The following ZNF492 variants were observed in gnomAD, a reference collection of about 807,000 sequenced individuals.
The protein encoded by ZNF492 is zinc finger protein 115 (Y20).
ZNF492 carries 3 observed loss-of-function variants against 6.4 expected under a neutral mutation model. The ratio of observed to expected loss-of-function variants is 0.47; its 90% CI spans 0.21 to 1.22. The LOEUF is 1.22. ZNF492 is among the 50% of genes most tolerant of loss of function. The pLI, the probability that ZNF492 is intolerant of heterozygous loss-of-function variation, is 0.22. For synonymous variants in ZNF492, 112 were observed against 205.3 expected, an observed-to-expected ratio of 0.55 and a Z score of 3.89; for missense variants, 356 against 612.5, an observed-to-expected ratio of 0.58 and a Z score of 4.42.
chr19:22,665,639 G>A lies in ZNF492; in HGVS notation c.*374G>A, dbSNP rs1972117399. On this transcript the variant is annotated 3_prime_UTR_variant, in exon 4 of 4. Coordinates refer to ENST00000456783, the MANE Select transcript of ZNF492 (RefSeq NM_020855.3). ...TAACTTTACTTGTAACACAGATCTT[G>A]TTGTATTCATTCTGTATTAGAGCAA... The A allele has an allele frequency of 4.8e-6, 1 of 207,422 alleles. No homozygotes were observed. Among genetic ancestry groups the A allele is most frequent in the South Asian group, 7.9e-5 (1 of 12,714 alleles). 12.8% of individuals were successfully genotyped at this position (207,422 alleles called of 1,614,324 possible). A position where few individuals can be genotyped will look rare whatever the true frequency, so the allele number is the denominator to read the frequency against.
In ZNF492 at chr19:22,657,981, A is replaced by G. The variant is rs181280040; in HGVS notation, c.130+3966A>G. ...TTTCACCTTGTGTTTAATAATAAACATATTTCCTATGTGTGAGGGAAACAC... is the reference window on the plus strand; with the variant it reads ...TTTCACCTTGTGTTTAATAATAAACGTATTTCCTATGTGTGAGGGAAACAC... On this transcript the variant is annotated intron_variant, in intron 3 of 3. Transcript: ENST00000456783. 3.7e-3 allele frequency among the ~76,000 whole-genome samples: 569 copies of G among 152,276 alleles called. 4 individuals carry two copies. The highest frequency in any genetic ancestry group is 0.013 in the African/African-American group (553 of 41,508).
At chr19:22,645,979 G>A (rs1432354082) in intron 1 of ZNF492, among the ~76,000 whole-genome samples, 1 of 152,074 alleles carries the variant, frequency 6.6e-6, no homozygotes, top group Non-Finnish European at 1.5e-5. Flanking sequence ...TGTTCTTTTT[G>A]CTTAGGATTG....
chr19:22,642,384 C>CTTTT lies in ZNF492; in HGVS notation c.-94+7930_-94+7933dup, dbSNP rs869202400. ...ATTAACAGCTAAATAAACCTTTTGT[C>CTTTT]TTTTTTTTTTTTTTTTTTTTTTTGA... On this transcript the variant is annotated intron_variant, in intron 1 of 3. Transcript: ENST00000456783. Among the ~76,000 whole-genome samples the CTTTT allele has an allele frequency of 4.7e-3, 405 of 85,478 alleles. 17 individuals carry two copies. The highest frequency in any genetic ancestry group is 7.0e-3 in the African/African-American group (127 of 18,144). The allele number at this position is 85,478 out of a possible 152,430, so 56.1% of individuals were successfully genotyped here. A position where few individuals can be genotyped will look rare whatever the true frequency, so the allele number is the denominator to read the frequency against.
At chr19:22,650,701 G>T (rs1971931062) in intron 1 of ZNF492, among the ~76,000 whole-genome samples, 1 of 152,152 alleles carries the variant, frequency 6.6e-6, no homozygotes, top group South Asian at 2.1e-4. Context: ...TGTAGCTGCA[G>T]TCTGGCACAG....
chr19:22,658,059 C>T (rs917497184), intron 3 of ZNF492, among the ~76,000 whole-genome samples: 67 of 152,212 alleles, frequency 4.4e-4, no homozygotes, highest in Non-Finnish European at 7.8e-4. Flanking sequence ...GGATCTTCTT[C>T]AGTTATTCTT....
At chr19:22,655,671 C>A (rs74636783) in intron 3 of ZNF492, among the ~76,000 whole-genome samples, 8,294 of 116,682 alleles carry the variant, frequency 0.071, 425 homozygotes, top group East Asian at 0.11. Flanking sequence ...ATTTCAGTGA[C>A]TTAATTTTTT....
intron 1 of ZNF492, among the ~76,000 whole-genome samples, chr19:22,640,266 A>G (rs7507679): frequency 0.35 from 53,099 of 151,552 alleles, 9,802 homozygotes; most frequent in African/African-American, 0.49. Context: ...GGGTTCAAGC[A>G]ATTCTCCTGC....
intron 3 of ZNF492, among the ~76,000 whole-genome samples, chr19:22,662,304 A>G (rs1024791048): frequency 5.9e-5 from 9 of 152,206 alleles, no homozygotes; most frequent in Admixed American, 5.2e-4. Context: ...TAGTGTATAC[A>G]TGCCACATTT....
intron 1 of ZNF492, among the ~76,000 whole-genome samples, chr19:22,650,670 G>C (rs962244987): frequency 1.3e-5 from 2 of 152,134 alleles, no homozygotes; most frequent in African/African-American, 2.4e-5. Context: ...GGATGTGTCA[G>C]GGTCAGGCCT....
rs545699414 is a variant in ZNF492, at chr19:22,659,345, T to C, written c.131-4455T>C. Among the ~76,000 whole-genome samples, 3 of 151,318 alleles carry C rather than the reference T, an allele frequency of 2.0e-5. No individual in the cohort carries two copies. In the East Asian group the frequency reaches 5.8e-4, roughly 29 times the overall value. On this transcript the variant is annotated intron_variant, in intron 3 of 3. Coordinates refer to ENST00000456783, the MANE Select transcript of ZNF492 (RefSeq NM_020855.3). ...ATGTTGTATTAGCTATTGAGAACCATGTGTGTCCTGGTGTTGAGGGGTGTT... is the reference window on the plus strand; with the variant it reads ...ATGTTGTATTAGCTATTGAGAACCACGTGTGTCCTGGTGTTGAGGGGTGTT...
chr19:22,638,247 T>G (rs1971787758), intron 1 of ZNF492, among the ~76,000 whole-genome samples: 1 of 152,212 alleles, frequency 6.6e-6, no homozygotes, highest in Non-Finnish European at 1.5e-5. Flanking sequence ...CTGCTTTTGT[T>G]GCAATTGCTT....
At chr19:22,638,865 T>C (rs12974328) in intron 1 of ZNF492, among the ~76,000 whole-genome samples, 29,392 of 152,060 alleles carry the variant, frequency 0.19, 3,690 homozygotes, top group African/African-American at 0.36. Flanking sequence ...TTGTTTGAGA[T>C]GGAGTCTTGC....
At chr19:22,638,826 A>G (rs1265711513) in intron 1 of ZNF492, among the ~76,000 whole-genome samples, 1 of 147,704 alleles carries the variant, frequency 6.8e-6, no homozygotes, top group South Asian at 2.1e-4. Context: ...GACTATTTTA[A>G]TAATATTGAT....
intron 1 of ZNF492, among the ~76,000 whole-genome samples, chr19:22,651,476 C>T (rs1049784393): frequency 1.3e-5 from 2 of 152,122 alleles, no homozygotes; most frequent in African/African-American, 4.8e-5. Flanking sequence ...TACTTTTCTA[C>T]TTGTGCTTTT....
chr19:22,648,626 T>C (rs956550599), intron 1 of ZNF492, among the ~76,000 whole-genome samples: 16 of 152,248 alleles, frequency 1.1e-4, no homozygotes, highest in African/African-American at 3.6e-4. Flanking sequence ...GTCTGAGTTC[T>C]CCTGCATTGG....
At chr19:22,649,997 A>G (rs1971923238) in intron 1 of ZNF492, among the ~76,000 whole-genome samples, 1 of 152,100 alleles carries the variant, frequency 6.6e-6, no homozygotes, top group South Asian at 2.1e-4. Flanking sequence ...CTGGAGAGGC[A>G]TTGCAATCAT....
intron 1 of ZNF492, among the ~76,000 whole-genome samples, chr19:22,647,434 T>TA (rs1971891605): frequency 1.3e-5 from 2 of 150,762 alleles, no homozygotes; most frequent in Non-Finnish European, 3.0e-5. Flanking sequence ...TTTTTTTTTT[T>TA]AATTTTTATT....
Position 22,634,368 on chromosome 19 carries a change from G to T in ZNF492, c.-200G>T. On this transcript the variant is annotated 5_prime_UTR_variant, in exon 1 of 4. Coordinates refer to ENST00000456783, the MANE Select transcript of ZNF492 (RefSeq NM_020855.3). ...GTCGGAGTATGGTCTAGTGTTCGCT[G>T]TTCTGCGTCCTCTGGTCCTAGAGGC... The T allele has an allele frequency of 8.4e-7, 1 of 1,184,692 alleles. No individual in the cohort carries two copies. Among genetic ancestry groups the T allele is most frequent in the Non-Finnish European group, 1.2e-6 (1 of 817,648 alleles). 73.4% of individuals were successfully genotyped at this position (1,184,692 alleles called of 1,614,324 possible).
In ZNF492 at chr19:22,653,405, A is replaced by C; in HGVS notation, c.6A>C (p.Leu2Phe). ...AGAATTTATATAGGAATGTGATGTT[A>C]GAGAACTACAGAAACCTGGTCTTCG... is the stretch of plus-strand genomic sequence containing the variant. M[L>F]ENYRNLVFVG... Residue 2 changes from leucine (L) to phenylalanine (F), a missense_variant, in exon 2 of 4, where the codon TTA becomes TTC. Transcript: ENST00000456783. The C allele has an allele frequency of 6.2e-7, 1 of 1,614,022 alleles. No homozygotes were observed. Among genetic ancestry groups the C allele is most frequent in the Non-Finnish European group, 8.5e-7 (1 of 1,180,024 alleles).
Sources: gnomAD v4.1 joint callset for allele counts (sites outside exome capture counted in the v4.1 genomes callset) on GRCh38, gnomAD v4.1.1 for gene constraint, MANE v1.5 for transcripts, NCBI Gene and HGNC (gene_info 2026-07-23, HGNC 2026-07-21) for gene names.